CHL1: variants seen among roughly 807,000 people sequenced by gnomAD.
CHL1 encodes the protein cell adhesion molecule L1 like.
Under a neutral mutation model 141.9 loss-of-function variants are expected in CHL1, and 96 were observed. The ratio of observed to expected loss-of-function variants is 0.68; its 90% CI spans 0.57 to 0.80. The LOEUF (loss-of-function observed/expected upper bound fraction) is 0.80. Ranked by LOEUF, CHL1 falls within the 30% of genes least tolerant of loss-of-function variation. The pLI is 0.00. For missense variants in CHL1, 1,820 were observed against 1,457.2 expected (o/e 1.25, Z -4.05); for synonymous variants, 613 against 502.2 (o/e 1.22, Z -2.95).
intron 2 of CHL1, among the ~76,000 whole-genome samples, chr3:314,329 G>GTGTATATGTA (rs1455318071): frequency 3.1e-5 from 2 of 65,344 alleles, no homozygotes; most frequent in Non-Finnish European, 6.0e-5. Context: ...CTCTCTATGT[G>GTGTATATGTA]TATATATATA....
intron 3 of CHL1, among the ~76,000 whole-genome samples, chr3:321,405 G>T (rs933363146): frequency 6.6e-6 from 1 of 152,038 alleles, no homozygotes; most frequent in African/African-American, 2.4e-5. Context: ...TAGAAATTCT[G>T]GTCGGGAGTC....
chr3:407,332 TAGTC>T lies in CHL1; in HGVS notation c.*1624_*1627del, dbSNP rs1327914575. 1.3e-5 allele frequency: 2 copies of T among 152,090 alleles called. No individual in the cohort carries two copies. The highest frequency in any genetic ancestry group is 2.9e-5 in the Non-Finnish European group (2 of 68,026). 9.4% of individuals were successfully genotyped at this position (152,090 alleles called of 1,614,324 possible). A position where few individuals can be genotyped will look rare whatever the true frequency, so the allele number is the denominator to read the frequency against. ...AGACCAAAATTTGGGGTATTTATAA[TAGTC>T]AGCGCAGGAATGCACATGGAATATC... On this transcript the variant is annotated 3_prime_UTR_variant, in exon 28 of 28. Transcript: ENST00000256509.
intron 2 of CHL1, among the ~76,000 whole-genome samples, chr3:297,312 C>T (rs1698282851): frequency 2.0e-5 from 3 of 151,974 alleles, no homozygotes; most frequent in South Asian, 2.1e-4. Flanking sequence ...GATGCAAGAA[C>T]AGGGAAAGAG....
intron 1 of CHL1, among the ~76,000 whole-genome samples, chr3:242,628 T>C (rs949354772): frequency 2.0e-5 from 3 of 150,892 alleles, no homozygotes; most frequent in African/African-American, 7.3e-5. Flanking sequence ...TAAAATAAAA[T>C]AATACAGAGA....
Position 390,825 on chromosome 3 carries a change from C to T in CHL1, c.2586+9C>T, listed in dbSNP as rs1708159534. ...GTCTGAAAGGCTATCAGGTTTTTAT[C>T]ATCATGGTTTTTCCTCTTCTTGTTG... is the stretch of plus-strand genomic sequence containing the variant. On this transcript the variant is annotated intron_variant, in intron 21 of 27. Coordinates refer to ENST00000256509, the MANE Select transcript of CHL1 (RefSeq NM_006614.4). 6.4e-6 allele frequency: 10 copies of T among 1,553,368 alleles called. No individual in the cohort carries two copies. In the East Asian group the frequency reaches 1.3e-4, roughly 21 times the overall value.
At position 405,579 on chromosome 3, in the gene CHL1, C is replaced by A. The variant is rs775228806; in HGVS notation, c.3543C>A (p.Val1181=). The change falls in exon 28 of 28, where the codon GTC becomes GTA. Residue 1181 remains valine, a synonymous_variant. Transcript: ENST00000256509. The part of the protein sequence containing the change: ...MQPTESADSL[V]EYGEGDHGLF... ...CTACTGAAAGTGCTGACAGCTTAGT[C>A]GAATACGGAGAGGGAGACCATGGTC... The A allele has an allele frequency of 1.3e-5, 21 of 1,613,356 alleles. No homozygotes were observed. Among genetic ancestry groups the A allele is most frequent in the Admixed American group, 1.7e-5 (1 of 59,974 alleles).
intron 2 of CHL1, among the ~76,000 whole-genome samples, chr3:268,772 C>T (rs4574273): frequency 2.6e-5 from 4 of 152,028 alleles, no homozygotes; most frequent in African/African-American, 4.8e-5. Flanking sequence ...AAAGAATCTT[C>T]GGAATTATTT....
At chr3:217,153 G>A (rs1285358902) in intron 1 of CHL1, among the ~76,000 whole-genome samples, 1 of 151,992 alleles carries the variant, frequency 6.6e-6, no homozygotes, top group East Asian at 1.9e-4. Context: ...ATTATTAATA[G>A]ATTCATGCTG....
At chr3:376,528 A>T (rs559103535) in intron 15 of CHL1, 2 of 422,952 alleles carry the variant, frequency 4.7e-6, no homozygotes, top group South Asian at 3.7e-5. Flanking sequence ...AACAAGGCAT[A>T]GTGCAACCAT....
chr3:351,822 A>C (rs1237025401), intron 10 of CHL1, among the ~76,000 whole-genome samples: 2 of 152,154 alleles, frequency 1.3e-5, no homozygotes, highest in Non-Finnish European at 2.9e-5. Flanking sequence ...AAATCCTATA[A>C]TATGTATGAG....
chr3:258,586 T>C (rs1291157594), intron 2 of CHL1, among the ~76,000 whole-genome samples: 1 of 152,254 alleles, frequency 6.6e-6, no homozygotes, highest in African/African-American at 2.4e-5. Context: ...GCCATTTTTT[T>C]CTTCAAGAAA....
intron 5 of CHL1, among the ~76,000 whole-genome samples, chr3:336,556 G>C (rs1042555749): frequency 1.3e-5 from 2 of 152,112 alleles, no homozygotes; most frequent in African/African-American, 4.8e-5. Flanking sequence ...AGCCTAGAGA[G>C]ATGAATTCAA....
chr3:360,134 T>A, intron 11 of CHL1, 150 bp from the exon 12 acceptor site: 2 of 765,648 alleles, frequency 2.6e-6, no homozygotes, highest in Non-Finnish European at 4.1e-6. Flanking sequence ...TAGTTGATGT[T>A]CAGAAAACCT....
At chr3:234,216 T>C (rs1038736003) in intron 1 of CHL1, among the ~76,000 whole-genome samples, 2 of 151,312 alleles carry the variant, frequency 1.3e-5, no homozygotes, top group Admixed American at 1.3e-4. Context: ...TATGTATATA[T>C]GTATGTATGT....
intron 2 of CHL1, among the ~76,000 whole-genome samples, chr3:256,790 G>A (rs1694218886): frequency 6.6e-6 from 1 of 152,220 alleles, no homozygotes; most frequent in Non-Finnish European, 1.5e-5. Flanking sequence ...CTGGGAGCTT[G>A]CTCAGCATGC....
rs191201924 is a variant in CHL1, at chr3:223,014, A to T, written c.-174-21599A>T. Among the ~76,000 whole-genome samples the T allele has an allele frequency of 4.3e-3, 650 of 152,242 alleles. 15 individuals carry two copies. Among genetic ancestry groups the T allele is most frequent in the Admixed American group, 0.04 (612 of 15,284 alleles). ...CTTCTCTTGTGTAAAGACACTTGTT[A>T]TACATTGGCCCACCCACATAATCCA... On this transcript the variant is annotated intron_variant, in intron 1 of 27. Transcript: ENST00000256509.
At position 314,309 on chromosome 3, in the gene CHL1, T is replaced by TC. The variant is rs1553562691; in HGVS notation, c.-94-5374_-94-5373insC. Among the ~76,000 whole-genome samples the TC allele has an allele frequency of 9.0e-3, 882 of 98,178 alleles. 29 individuals are homozygous for TC. Among genetic ancestry groups the TC allele is most frequent in the African/African-American group, 0.028 (797 of 28,948 alleles). 64.4% of individuals were successfully genotyped at this position (98,178 alleles called of 152,430 possible). A position where few individuals can be genotyped will look rare whatever the true frequency, so the allele number is the denominator to read the frequency against. ...CCCCCCAATCTTGCACTCTCTCTCT[T>TC]TCTCTCTCTCTCTCTATGTGTATAT... On this transcript the variant is annotated intron_variant, in intron 2 of 27. Coordinates refer to ENST00000256509, the MANE Select transcript of CHL1 (RefSeq NM_006614.4).
intron 2 of CHL1, among the ~76,000 whole-genome samples, chr3:304,413 T>G (rs1371414119): frequency 1.3e-5 from 2 of 152,200 alleles, no homozygotes; most frequent in African/African-American, 4.8e-5. Flanking sequence ...TTCCTCGATT[T>G]CAGAACTTGT....
chr3:364,377 A>G (rs573577509), intron 14 of CHL1, among the ~76,000 whole-genome samples: 5 of 152,154 alleles, frequency 3.3e-5, no homozygotes, highest in South Asian at 2.1e-4. Context: ...GTCACTGAAG[A>G]TGGTGATGAT....
Sources: allele counts gnomAD v4.1 joint callset (sites outside exome capture counted in the v4.1 genomes callset), GRCh38; gene constraint gnomAD v4.1.1; transcripts MANE v1.5; gene names NCBI Gene and HGNC (gene_info 2026-07-23, HGNC 2026-07-21).